CEP41: variants seen among roughly 807,000 people sequenced by gnomAD.
The protein encoded by CEP41 is centrosomal protein 41, also known as centrosomal protein of 41 kDa.
CEP41 carries 32 observed loss-of-function variants against 44.3 expected under a neutral mutation model. The ratio of observed to expected loss-of-function variants is 0.72; its 90% CI spans 0.54 to 0.97. The LOEUF (loss-of-function observed/expected upper bound fraction) is 0.97, where lower values mean the gene tolerates loss of function less well. Among genes scored for constraint, CEP41 ranks in the 50% least tolerant of loss-of-function variants. The pLI, the probability that CEP41 is intolerant of heterozygous loss-of-function variation, is 0.00. For synonymous variants in CEP41, 151 were observed against 168.5 expected, an observed-to-expected ratio of 0.90 and a Z score of 0.80; for missense variants, 432 against 455.2, an observed-to-expected ratio of 0.95 and a Z score of 0.46.
chr7:130,434,588 A>G (rs1357245757), intron 1 of CEP41, among the ~76,000 whole-genome samples: 1 of 152,210 alleles, frequency 6.6e-6, no homozygotes, highest in East Asian at 1.9e-4. Flanking sequence ...AATGTGCTCT[A>G]GTCACATGCT....
intron 1 of CEP41, among the ~76,000 whole-genome samples, chr7:130,439,916 T>A (rs1195478489): frequency 1.3e-5 from 2 of 152,170 alleles, no homozygotes; most frequent in Non-Finnish European, 2.9e-5. Flanking sequence ...CTTCTCTCAC[T>A]CCCTCAGTTG....
Position 130,395,893 on chromosome 7 carries a change from A to G in CEP41, c.*2998T>C, listed in dbSNP as rs1176619018. On this transcript the variant is annotated 3_prime_UTR_variant, in exon 11 of 11. Coordinates refer to ENST00000223208, the MANE Select transcript of CEP41 (RefSeq NM_018718.3). The stretch of plus-strand genomic sequence containing the variant: ...ACCACTAAAGGTTAAAAAAAAAAAA[A>G]AAGATAAAAGATAAAATGAATGCAG... 2.3e-6 allele frequency: 1 copy of G among 439,608 alleles called. No homozygotes were observed. Among genetic ancestry groups the G allele is most frequent in the African/African-American group, 2.0e-5 (1 of 48,884 alleles). The allele number at this position is 439,608 out of a possible 1,614,324, so 27.2% of individuals were successfully genotyped here. A position where few individuals can be genotyped will look rare whatever the true frequency, so the allele number is the denominator to read the frequency against.
chr7:130,401,794 G>T, intron 8 of CEP41, 87 bp downstream of exon 8: 2 of 888,914 alleles, frequency 2.2e-6, no homozygotes, highest in Non-Finnish European at 3.8e-6. Context: ...GTCCTTCACA[G>T]CATTCTTACC....
At position 130,394,015 on chromosome 7, in the gene CEP41, A is replaced by G. The variant is rs1554413443; in HGVS notation, c.*4876T>C. The G allele has an allele frequency of 2.2e-6, 1 of 454,100 alleles. No individual in the cohort carries two copies. Among genetic ancestry groups the G allele is most frequent in the South Asian group, 1.6e-5 (1 of 64,464 alleles). The allele number at this position is 454,100 out of a possible 1,614,324, so 28.1% of individuals were successfully genotyped here. A position where few individuals can be genotyped will look rare whatever the true frequency, so the allele number is the denominator to read the frequency against. On this transcript the variant is annotated 3_prime_UTR_variant, in exon 11 of 11. Coordinates refer to ENST00000223208, the MANE Select transcript of CEP41 (RefSeq NM_018718.3). ...CCCAGAGCAGATGTTTCAGTTCCTG[A>G]ATTTCCATCGCCTTTTGTGCAGGCA...
Position 130,401,886 on chromosome 7 carries a change from C to T in CEP41, c.637G>A (p.Glu213Lys), listed in dbSNP as rs782466306. ...TMNPYSNDILEYKNAHGKIII... is the reference protein window; with the variant it reads ...TMNPYSNDILKYKNAHGKIII... ...TAAAATGCAACAAAGGATACATATT[C>T]AAGAATATCATTTGAATAAGGGTTC... The change falls in exon 8 of 11, where the codon GAA becomes AAA. Residue 213 changes from glutamate (E) to lysine (K), a missense_variant. Coordinates refer to ENST00000223208, the MANE Select transcript of CEP41 (RefSeq NM_018718.3). 3.8e-6 allele frequency: 6 copies of T among 1,597,656 alleles called. No individual in the cohort carries two copies. In the African/African-American group the frequency reaches 6.7e-5, roughly 18 times the overall value.
chr7:130,402,606 T>A, intron 7 of CEP41, 42 bp downstream of exon 7: 1 of 1,611,118 alleles, frequency 6.2e-7, no homozygotes, highest in Non-Finnish European at 8.5e-7. Flanking sequence ...GCAGGCTCTC[T>A]GTTCTTGAGA....
intron 2 of CEP41, among the ~76,000 whole-genome samples, chr7:130,422,180 G>C (rs1400266728): frequency 2.6e-5 from 4 of 152,222 alleles, no homozygotes; most frequent in African/African-American, 9.6e-5. Context: ...AATGTGATTT[G>C]GGTGAAGACA....
intron 2 of CEP41, chr7:130,419,830 A>G: frequency 1.0e-6 from 1 of 985,308 alleles, no homozygotes; most frequent in Non-Finnish European, 1.2e-6. Flanking sequence ...ACTCAGCAGG[A>G]AGTGACCTTT....
In CEP41 at chr7:130,398,646, G is replaced by C; in HGVS notation, c.*245C>G. The C allele has an allele frequency of 1.5e-6, 1 of 688,578 alleles. No individual in the cohort carries two copies. Among genetic ancestry groups the C allele is most frequent in the South Asian group, 1.4e-5 (1 of 69,010 alleles). 42.7% of individuals were successfully genotyped at this position (688,578 alleles called of 1,614,324 possible). ...CAGTTTCACAAGACTTAAATATGCT[G>C]TAAACAACAGGGAGGAGACTAGAGC... On this transcript the variant is annotated 3_prime_UTR_variant, in exon 11 of 11. Transcript: ENST00000223208.
At chr7:130,412,269 T>C (rs1554419957) in intron 3 of CEP41, 29 bp from the exon 4 acceptor site, 4 of 1,206,848 alleles carry the variant, frequency 3.3e-6, no homozygotes, top group East Asian at 4.7e-5. Context: ...CAAGTATTTA[T>C]CTATTTTGCT....
Position 130,396,165 on chromosome 7 carries a change from T to C in CEP41, c.*2726A>G, listed in dbSNP as rs552216239. The C allele has an allele frequency of 2.0e-4, 91 of 454,100 alleles. No homozygotes were observed. Among genetic ancestry groups the C allele is most frequent in the African/African-American group, 1.7e-3 (87 of 50,114 alleles). The allele number at this position is 454,100 out of a possible 1,614,324, so 28.1% of individuals were successfully genotyped here. On this transcript the variant is annotated 3_prime_UTR_variant, in exon 11 of 11. Transcript: ENST00000223208. ...AGCATTTAAGGTATTATTTAAACTT[T>C]GGCCATCACTGCTGTTCAGGGTGCT... is the stretch of plus-strand genomic sequence containing the variant.
In CEP41 at chr7:130,396,898, T is replaced by C. The variant is rs1278480917; in HGVS notation, c.*1993A>G. On this transcript the variant is annotated 3_prime_UTR_variant, in exon 11 of 11. Transcript: ENST00000223208. The stretch of plus-strand genomic sequence containing the variant: ...TGGTTTCTAATACTCCAAAGTTGTC[T>C]GACGATGGGAACGCAGAATCGGAAC... 4.5e-6 allele frequency: 2 copies of C among 447,510 alleles called. No individual in the cohort carries two copies. The highest frequency in any genetic ancestry group is 8.9e-6 in the Non-Finnish European group (2 of 223,714). 27.7% of individuals were successfully genotyped at this position (447,510 alleles called of 1,614,324 possible).
At chr7:130,439,349 G>GT (rs34928262) in intron 1 of CEP41, among the ~76,000 whole-genome samples, 112,401 of 151,658 alleles carry the variant, frequency 0.74, 42,072 homozygotes, top group South Asian at 0.86. Context: ...TAGTAGTTAA[G>GT]TTTTTTTGCA....
chr7:130,409,323 G>T (rs1413805763), intron 5 of CEP41, among the ~76,000 whole-genome samples: 10 of 152,328 alleles, frequency 6.6e-5, no homozygotes, highest in African/African-American at 2.4e-4. Flanking sequence ...TCTCAGAAGA[G>T]AAAATTGCAT....
intron 2 of CEP41, chr7:130,419,849 T>C: frequency 1.0e-6 from 1 of 985,372 alleles, no homozygotes; most frequent in Non-Finnish European, 1.2e-6. Context: ...TTCCCTCCTC[T>C]GAGCCTCTAT....
rs7801535 is a variant in CEP41, at chr7:130,440,919, A to G, written c.33+15T>C. 6.2e-7 allele frequency: 1 copy of G among 1,611,210 alleles called. No individual in the cohort carries two copies. Among genetic ancestry groups the G allele is most frequent in the Non-Finnish European group, 8.5e-7 (1 of 1,179,958 alleles). ...CCCGCCCCCTCCGGCTCTCCGGCCGAGACCTGGCCCTCACCTCAGGGTTCC... is the reference window on the plus strand; with the variant it reads ...CCCGCCCCCTCCGGCTCTCCGGCCGGGACCTGGCCCTCACCTCAGGGTTCC... On this transcript the variant is annotated intron_variant, in intron 1 of 10. Transcript: ENST00000223208.
At chr7:130,427,722 C>A (rs1262902429) in intron 2 of CEP41, among the ~76,000 whole-genome samples, 2 of 152,138 alleles carry the variant, frequency 1.3e-5, no homozygotes, top group Admixed American at 1.3e-4. Context: ...TTCATTTTCT[C>A]AGTTTATATT....
intron 8 of CEP41, chr7:130,401,304 C>T (rs1796835986): frequency 5.7e-6 from 1 of 174,870 alleles, no homozygotes; most frequent in East Asian, 1.6e-4. Flanking sequence ...AGGCTTGCAT[C>T]AGCATGGGGA....
chr7:130,411,217 T>C, intron 4 of CEP41, 26 bp from the exon 5 acceptor site: 1 of 1,585,986 alleles, frequency 6.3e-7, no homozygotes, highest in South Asian at 1.1e-5. Flanking sequence ...ATGAAATGTG[T>C]GGATGTTTGT....
Sources: gnomAD v4.1 joint callset for allele counts (sites outside exome capture counted in the v4.1 genomes callset) on GRCh38, gnomAD v4.1.1 for gene constraint, MANE v1.5 for transcripts, NCBI Gene and HGNC (gene_info 2026-07-23, HGNC 2026-07-21) for gene names.